Variants in MALRD1 observed in about 807,000 individuals in gnomAD.
MALRD1 encodes the protein MAM and LDL receptor class A domain containing 1.
In MALRD1, 247 loss-of-function variants were observed where a neutral mutation model predicts 242.1. The observed-to-expected ratio is 1.02, with a 90% confidence interval of 0.92 to 1.13. The LOEUF (loss-of-function observed/expected upper bound fraction) is 1.13. Among genes scored for constraint, MALRD1 ranks in the 50% most tolerant of loss-of-function variants. MALRD1 has a pLI of 0.00. For missense variants in MALRD1, 2,989 were observed against 2,533.1 expected, an observed-to-expected ratio of 1.18 and a Z score of -3.86; for synonymous variants, 995 against 866.6, an observed-to-expected ratio of 1.15 and a Z score of -2.60.
chr10:19,592,157 C>T (rs1837822460), intron 33 of MALRD1, among the ~76,000 whole-genome samples: 1 of 152,144 alleles, frequency 6.6e-6, no homozygotes, highest in Admixed American at 6.5e-5. Flanking sequence ...AAGTCAGGTT[C>T]CCTGGGAAGC....
chr10:19,576,715 C>G (rs1283554605), intron 33 of MALRD1, among the ~76,000 whole-genome samples: 1 of 152,156 alleles, frequency 6.6e-6, no homozygotes, highest in Non-Finnish European at 1.5e-5. Context: ...AGTCCTACCA[C>G]TTCTCTGGCT....
chr10:19,451,997 T>A (rs557433939), intron 29 of MALRD1, among the ~76,000 whole-genome samples: 20 of 152,266 alleles, frequency 1.3e-4, no homozygotes, highest in African/African-American at 4.6e-4. Flanking sequence ...TGTATTTGTG[T>A]AAAGGGAATC....
intron 36 of MALRD1, among the ~76,000 whole-genome samples, chr10:19,669,641 C>A (rs1050623010): frequency 3.9e-5 from 6 of 151,910 alleles, no homozygotes; most frequent in Non-Finnish European, 7.4e-5. Flanking sequence ...GCCATAAAGC[C>A]TAGAGAACTG....
chr10:19,103,521 C>T (rs1057310230), intron 4 of MALRD1, among the ~76,000 whole-genome samples: 14 of 130,054 alleles, frequency 1.1e-4, no homozygotes, highest in Non-Finnish European at 2.1e-4. Flanking sequence ...CACTGCACTC[C>T]GGCCTGGGTG....
At chr10:19,454,648 A>G (rs1235539965) in intron 29 of MALRD1, among the ~76,000 whole-genome samples, 1 of 150,956 alleles carries the variant, frequency 6.6e-6, no homozygotes, top group African/African-American at 2.4e-5. Flanking sequence ...GTCCTGATAA[A>G]CCCACTGTAA....
chr10:19,549,763 G>A (rs1206800782), intron 32 of MALRD1, among the ~76,000 whole-genome samples: 1 of 152,152 alleles, frequency 6.6e-6, no homozygotes, highest in East Asian at 1.9e-4. Flanking sequence ...GCTGATTAAT[G>A]TCTTTCATTT....
intron 18 of MALRD1, among the ~76,000 whole-genome samples, chr10:19,255,053 C>A (rs909086708): frequency 2.0e-5 from 3 of 151,964 alleles, no homozygotes; most frequent in African/African-American, 4.8e-5. Flanking sequence ...AAAGTTCCAA[C>A]GTGGTTACCA....
chr10:19,614,917 T>C (rs1839071490), intron 35 of MALRD1, among the ~76,000 whole-genome samples: 1 of 151,922 alleles, frequency 6.6e-6, no homozygotes, highest in Non-Finnish European at 1.5e-5. Context: ...TAGAGAAATA[T>C]TTCAGTAAAC....
chr10:19,443,627 G>A (rs111959369), intron 28 of MALRD1, among the ~76,000 whole-genome samples: 89 of 152,242 alleles, frequency 5.8e-4, no homozygotes, highest in African/African-American at 1.9e-3. Context: ...GTAGTTGAGC[G>A]GTTTTGAGTG....
chr10:19,123,315 G>GTGTT (rs892865689), intron 5 of MALRD1, among the ~76,000 whole-genome samples, 177 bp from the exon 6 acceptor site: 1 of 151,868 alleles, frequency 6.6e-6, no homozygotes, highest in Non-Finnish European at 1.5e-5. Flanking sequence ...ATGTGTGTGT[G>GTGTT]TGTGTGTGTG....
intron 32 of MALRD1, among the ~76,000 whole-genome samples, chr10:19,544,450 A>T (rs1835116991): frequency 6.6e-6 from 1 of 151,950 alleles, no homozygotes; most frequent in African/African-American, 2.4e-5. Context: ...GGCCTCCCAA[A>T]GTGTTGGGAT....
chr10:19,719,929 T>C (rs1564568105), intron 38 of MALRD1, among the ~76,000 whole-genome samples: 1 of 152,048 alleles, frequency 6.6e-6, no homozygotes, highest in Non-Finnish European at 1.5e-5. Flanking sequence ...CTCTCTCTCT[T>C]TTTATTAGCA....
At chr10:19,488,323 C>G (rs1285754026) in intron 29 of MALRD1, among the ~76,000 whole-genome samples, 1 of 152,098 alleles carries the variant, frequency 6.6e-6, no homozygotes, top group African/African-American at 2.4e-5. Flanking sequence ...CCCAAGAGAA[C>G]ACGATAAGAA....
chr10:19,163,108 A>C (rs1834504751), intron 12 of MALRD1, among the ~76,000 whole-genome samples: 1 of 124,492 alleles, frequency 8.0e-6, no homozygotes, highest in South Asian at 3.0e-4. Context: ...ACTGCACTCC[A>C]GCCTGAACAA....
At chr10:19,695,908 G>A (rs1025561433) in intron 38 of MALRD1, among the ~76,000 whole-genome samples, 5 of 152,048 alleles carry the variant, frequency 3.3e-5, no homozygotes, top group South Asian at 4.1e-4. Flanking sequence ...CTTGTGAGAC[G>A]TAATCACTAT....
At chr10:19,109,926 G>T (rs143781445) in intron 5 of MALRD1, among the ~76,000 whole-genome samples, 1 of 152,320 alleles carries the variant, frequency 6.6e-6, no homozygotes, top group Non-Finnish European at 1.5e-5. Context: ...ACTGATCTTT[G>T]ATGGGGGATG....
At chr10:19,240,081 T>C (rs1458434786) in intron 18 of MALRD1, among the ~76,000 whole-genome samples, 1 of 152,094 alleles carries the variant, frequency 6.6e-6, no homozygotes, top group Non-Finnish European at 1.5e-5. Context: ...CTGTAGGACA[T>C]TTTGTTAGTA....
rs571296654 is a variant in MALRD1, at chr10:19,382,447, G to A, written c.4442-5081G>A. 3.3e-5 allele frequency among the ~76,000 whole-genome samples: 5 copies of A among 152,202 alleles called. 1 individual carries two copies. The highest frequency in any genetic ancestry group is 1.2e-4 in the African/African-American group (5 of 41,544). ...CGTTGGCATAAAAGTTAGAATATCT[G>A]AATGGTTTTATTCTTTGCTTATCTG... On this transcript the variant is annotated intron_variant, in intron 26 of 39. Transcript: ENST00000454679.
intron 31 of MALRD1, among the ~76,000 whole-genome samples, chr10:19,515,888 A>G (rs974551138): frequency 2.0e-5 from 3 of 152,176 alleles, no homozygotes; most frequent in African/African-American, 4.8e-5. Context: ...TCTTGCTGAT[A>G]AGAACGTTAG....
Sources: gnomAD v4.1 joint callset for allele counts (sites outside exome capture counted in the v4.1 genomes callset) on GRCh38, gnomAD v4.1.1 for gene constraint, MANE v1.5 for transcripts, NCBI Gene and HGNC (gene_info 2026-07-23, HGNC 2026-07-21) for gene names.